Variants in YLPM1 observed in about 807,000 individuals in gnomAD.
The protein encoded by YLPM1 is YLP motif containing 1.
A neutral mutation model predicts 230.0 loss-of-function variants in YLPM1; 99 were observed. The ratio of observed to expected loss-of-function variants is 0.43; its 90% CI spans 0.37 to 0.51. The LOEUF (loss-of-function observed/expected upper bound fraction) is 0.51, where lower values mean the gene tolerates loss of function less well. YLPM1 is among the 20% of genes least tolerant of loss of function. The pLI, the probability that YLPM1 is intolerant of heterozygous loss-of-function variation, is 0.00. For missense variants in YLPM1, 2,592 were observed against 2,707.7 expected (o/e 0.96, Z 0.95); for synonymous variants, 984 against 942.5 (o/e 1.04, Z -0.81).
Position 74,781,600 on chromosome 14 carries a change from T to G in YLPM1, c.1557T>G (p.Pro519=), listed in dbSNP as rs2091092896. 1 of 1,613,956 alleles carries G rather than the reference T, an allele frequency of 6.2e-7. No homozygotes were observed. Among genetic ancestry groups the G allele is most frequent in the East Asian group, 2.2e-5 (1 of 44,874 alleles). Residue 519 remains proline, a synonymous_variant, in exon 4 of 21, where the codon CCT becomes CCG. Coordinates refer to ENST00000325680, the MANE Select transcript of YLPM1 (RefSeq NM_019589.3). ...QYMGNMSMPP[P]FVPYSQMPPP... ...TGGGGAACATGTCAATGCCACCTCC[T>G]TTTGTTCCATATTCTCAGATGCCTC...
At chr14:74,819,263 T>C (rs1319238470) in intron 16 of YLPM1, among the ~76,000 whole-genome samples, 1 of 151,530 alleles carries the variant, frequency 6.6e-6, no homozygotes, top group Admixed American at 6.6e-5. Flanking sequence ...TACTCAATAT[T>C]GTCATTGTGC....
chr14:74,829,127 C>T (rs551583088), intron 18 of YLPM1, 86 bp from the exon 19 acceptor site: 3 of 1,532,354 alleles, frequency 2.0e-6, no homozygotes, highest in South Asian at 1.2e-5. Flanking sequence ...CCTCTGAAAG[C>T]GTTCCAGCCT....
Position 74,812,617 on chromosome 14 carries a change from T to C in YLPM1, c.5348-11T>C, listed in dbSNP as rs760813556. On this transcript the variant is annotated splice_polypyrimidine_tract_variant and intron_variant, in intron 10 of 20. Transcript: ENST00000325680. ...ACAAATAGTAATTTTGTTCAACTGC[T>C]GGAATCCTAGGAGAACGAAGGACTT... 2 of 1,607,670 alleles carry C rather than the reference T, an allele frequency of 1.2e-6. No individual in the cohort carries two copies. The highest frequency in any genetic ancestry group is 1.1e-5 in the South Asian group (1 of 90,036).
At chr14:74,794,085 C>G (rs545937918) in intron 4 of YLPM1, among the ~76,000 whole-genome samples, 1 of 152,180 alleles carries the variant, frequency 6.6e-6, no homozygotes, top group Non-Finnish European at 1.5e-5. Flanking sequence ...TACCTCCTCT[C>G]TCTGTTTATT....
In YLPM1 at chr14:74,763,775, G is replaced by A. The variant is rs772517359; in HGVS notation, c.286G>A (p.Gly96Ser). Residue 96 changes from glycine (G) to serine (S), a missense_variant, in exon 1 of 21, where the codon GGC (glycine) becomes AGC (serine). Physicochemically the swap from Gly to Ser is moderately conservative, Grantham distance 56. Around this residue, in one of 4 missense-constraint regions of YLPM1, gnomAD observed 1,862 missense variants for 1,819.8 expected, o/e 1.02. Transcript: ENST00000325680. ...GCCCCCGCCAGTGATGCCGGGGGGC[G>A]GCTACGGAGACTGGCAGCCGCCACC... Reference protein sequence around the residue: ...LPPPPVMPGGGYGDWQPPPPP... With the variant: ...LPPPPVMPGGSYGDWQPPPPP... 5 of 1,486,452 alleles carry A rather than the reference G, an allele frequency of 3.4e-6. No individual in the cohort carries two copies. Among genetic ancestry groups the A allele is most frequent in the Non-Finnish European group, 4.5e-6 (5 of 1,118,840 alleles). 92.1% of individuals were successfully genotyped at this position (1,486,452 alleles called of 1,614,324 possible).
At position 74,782,177 on chromosome 14, in the gene YLPM1, A is replaced by G; in HGVS notation, c.2134A>G (p.Ser712Gly). The change falls in exon 4 of 21, where the codon AGT becomes GGT. Residue 712 changes from serine (S) to glycine (G), a missense_variant. By Grantham distance (56) the Ser-to-Gly change is moderately conservative. Transcript: ENST00000325680. ...APLSKSALPY[S>G]SFSSDQGLGE... ...TTTGAGCAAGTCTGCTCTGCCATAC[A>G]GTTCATTCTCATCTGATCAAGGACT... 2 of 1,611,074 alleles carry G rather than the reference A, an allele frequency of 1.2e-6. No homozygotes were observed. The highest frequency in any genetic ancestry group is 2.2e-5 in the East Asian group (1 of 44,874).
In YLPM1 at chr14:74,763,353, A is replaced by G; in HGVS notation, c.-137A>G. The stretch of plus-strand genomic sequence containing the variant: ...GGGCCCAGCTCGGGAGCGCCGGCGC[A>G]CTGGCGCGCTCCGTTTACACGCTCC... On this transcript the variant is annotated 5_prime_UTR_variant, in exon 1 of 21. Transcript: ENST00000325680. 3 of 1,101,886 alleles carry G rather than the reference A, an allele frequency of 2.7e-6. No homozygotes were observed. Among genetic ancestry groups the G allele is most frequent in the South Asian group, 3.4e-5 (1 of 29,456 alleles). 68.3% of individuals were successfully genotyped at this position (1,101,886 alleles called of 1,614,324 possible).
Position 74,809,713 on chromosome 14 carries a change from C to T in YLPM1, c.4855C>T (p.Pro1619Ser). ...CCCACCTGTTCACTCTTCCATTCCC[C>T]CTCCTGGCCCAGTGCCTATGGGTAT... ...PPPPVHSSIP[P>S]PGPVPMGMPP... The change falls in exon 7 of 21, where the codon CCT (proline) becomes TCT (serine). Residue 1619 changes from proline (P) to serine (S), a missense_variant. Around this residue, in one of 4 missense-constraint regions of YLPM1, gnomAD observed 403 missense variants for 426.7 expected, o/e 0.94. Transcript: ENST00000325680. 1.2e-6 allele frequency: 2 copies of T among 1,614,058 alleles called. No individual in the cohort carries two copies. The highest frequency in any genetic ancestry group is 1.3e-5 in the African/African-American group (1 of 75,068).
intron 4 of YLPM1, among the ~76,000 whole-genome samples, chr14:74,795,003 G>C (rs140727948): frequency 1.3e-5 from 2 of 152,184 alleles, no homozygotes; most frequent in Non-Finnish European, 2.9e-5. Context: ...GCTATTAGCA[G>C]TTCTTTCTGA....
At chr14:74,779,882 C>A (rs946360928) in intron 2 of YLPM1, among the ~76,000 whole-genome samples, 1 of 151,478 alleles carries the variant, frequency 6.6e-6, no homozygotes, top group African/African-American at 2.4e-5. Context: ...TGGCTCACTG[C>A]AACCTCTGCC....
At chr14:74,802,072 G>T (rs2091331823) in intron 5 of YLPM1, among the ~76,000 whole-genome samples, 1 of 152,006 alleles carries the variant, frequency 6.6e-6, no homozygotes, top group African/African-American at 2.4e-5. Context: ...CAAATAATTA[G>T]CCGGGCGCGG....
intron 4 of YLPM1, among the ~76,000 whole-genome samples, chr14:74,793,261 AT>A (rs933270061): frequency 6.6e-6 from 1 of 150,462 alleles, no homozygotes. Context: ...TTCTTCATTC[AT>A]TTTTTTTCTC....
intron 19 of YLPM1, among the ~76,000 whole-genome samples, chr14:74,833,609 G>A (rs990756055): frequency 6.6e-6 from 1 of 152,182 alleles, no homozygotes; most frequent in African/African-American, 2.4e-5. Flanking sequence ...AATGCCCAAA[G>A]ATTTTTCTAT....
At position 74,793,780 on chromosome 14, in the gene YLPM1, G is replaced by C. The variant is rs73305730; in HGVS notation, c.2283-3800G>C. ...TAAGGAACTGTTACTACTGCTAGGG[G>C]ACTCTCAAATTCAAGGATTTAAGAG... On this transcript the variant is annotated intron_variant, in intron 4 of 20. Coordinates refer to ENST00000325680, the MANE Select transcript of YLPM1 (RefSeq NM_019589.3). Among the ~76,000 whole-genome samples, 473 of 152,274 alleles carry C rather than the reference G, an allele frequency of 3.1e-3. 3 individuals are homozygous for C. Among genetic ancestry groups the C allele is most frequent in the African/African-American group, 0.011 (455 of 41,538 alleles).
At chr14:74,814,347 C>T (rs1302912939) in intron 11 of YLPM1, among the ~76,000 whole-genome samples, 1 of 151,996 alleles carries the variant, frequency 6.6e-6, no homozygotes, top group Non-Finnish European at 1.5e-5. Flanking sequence ...GGCGACAGAG[C>T]GAGACTCCGT....
intron 1 of YLPM1, among the ~76,000 whole-genome samples, chr14:74,775,461 C>T (rs2091026233): frequency 6.6e-6 from 1 of 152,112 alleles, no homozygotes; most frequent in African/African-American, 2.4e-5. Context: ...AAAATATTAA[C>T]AGTGTAGGAA....
chr14:74,828,650 C>T (rs1003296968), intron 18 of YLPM1, among the ~76,000 whole-genome samples: 1 of 151,888 alleles, frequency 6.6e-6, no homozygotes, highest in Non-Finnish European at 1.5e-5. Flanking sequence ...GTGGTGATCT[C>T]ATATAGTCAG....
chr14:74,764,158 C>T lies in YLPM1; in HGVS notation c.669C>T (p.Ser223=), dbSNP rs754097276. 3.1e-6 allele frequency: 5 copies of T among 1,613,472 alleles called. No homozygotes were observed. The highest frequency in any genetic ancestry group is 8.5e-7 in the Non-Finnish European group (1 of 1,179,828). The change falls in exon 1 of 21, where the codon TCC becomes TCT. Residue 223 remains serine, a synonymous_variant. Coordinates refer to ENST00000325680, the MANE Select transcript of YLPM1 (RefSeq NM_019589.3). ...SSQSYLSHSQ[S]YLPSSQASPS... Reference sequence around the variant, plus strand: ...AATCCTATTTGAGCCATTCCCAGTCCTACTTGCCCTCTTCTCAGGCATCTC... The same window carrying T: ...AATCCTATTTGAGCCATTCCCAGTCTTACTTGCCCTCTTCTCAGGCATCTC...
intron 1 of YLPM1, among the ~76,000 whole-genome samples, chr14:74,777,835 C>T (rs774635070): frequency 7.9e-5 from 12 of 151,786 alleles, no homozygotes; most frequent in Middle Eastern, 3.2e-3. Context: ...ATTAGCTGGG[C>T]GTGATGGTGC....
Sources: allele counts gnomAD v4.1 joint callset (sites outside exome capture counted in the v4.1 genomes callset), GRCh38; gene constraint gnomAD v4.1.1; regional missense constraint gnomAD v4.1.1; transcripts MANE v1.5; gene names NCBI Gene and HGNC (gene_info 2026-07-23, HGNC 2026-07-21).